Variants in TNRC6B observed in about 807,000 individuals in gnomAD.
TNRC6B encodes trinucleotide repeat containing adaptor 6B.
A neutral mutation model predicts 203.6 loss-of-function variants in TNRC6B; 52 were observed. The ratio of observed to expected loss-of-function variants is 0.26; its 90% CI spans 0.20 to 0.32. TNRC6B has a LOEUF of 0.32. Ranked by LOEUF, TNRC6B falls within the 10% of genes least tolerant of loss-of-function variation. The pLI, the probability that TNRC6B is intolerant of heterozygous loss-of-function variation, is 1.00. For missense variants in TNRC6B, 1,923 were observed against 2,286.2 expected, an observed-to-expected ratio of 0.84 and a Z score of 3.24; for synonymous variants, 838 against 845.7, an observed-to-expected ratio of 0.99 and a Z score of 0.16.
intron 1 of TNRC6B, among the ~76,000 whole-genome samples, chr22:40,206,213 G>T (rs1569020388): frequency 6.6e-6 from 1 of 152,042 alleles, no homozygotes; most frequent in African/African-American, 2.4e-5. Flanking sequence ...TCTGATTTCT[G>T]TATGAGATGC....
intron 1 of TNRC6B, among the ~76,000 whole-genome samples, chr22:40,074,468 A>C (rs756541567): frequency 1.3e-5 from 2 of 151,792 alleles, no homozygotes; most frequent in Non-Finnish European, 2.9e-5. Flanking sequence ...AACATATGAG[A>C]CTTTATCTCT....
At chr22:40,217,695 C>A (rs2069653212) in intron 1 of TNRC6B, among the ~76,000 whole-genome samples, 1 of 152,094 alleles carries the variant, frequency 6.6e-6, no homozygotes, top group Non-Finnish European at 1.5e-5. Flanking sequence ...ATTACTGAGG[C>A]CTGGTGCGGT....
intron 1 of TNRC6B, among the ~76,000 whole-genome samples, chr22:40,240,678 GTTT>G (rs2070016192): frequency 6.6e-6 from 1 of 152,130 alleles, no homozygotes; most frequent in Admixed American, 6.5e-5. Flanking sequence ...AAAGTGATGA[GTTT>G]TACATCTGGC....
chr22:40,129,351 C>G (rs978564932), intron 3 of TNRC6B, among the ~76,000 whole-genome samples: 1 of 152,118 alleles, frequency 6.6e-6, no homozygotes, highest in African/African-American at 2.4e-5. Flanking sequence ...TGTCTGCTGT[C>G]TGGACAGTGG....
rs2071453499 is a variant in TNRC6B, at chr22:40,330,475, T to TA, written c.*7235dup. Reference sequence around the variant, plus strand: ...TTACAGAGAGGAGGACAGTACATCCTATGTGTGTTCGCCAAAAATGGGAAA... The same window carrying TA: ...TTACAGAGAGGAGGACAGTACATCCTAATGTGTGTTCGCCAAAAATGGGAAA... On this transcript the variant is annotated 3_prime_UTR_variant, in exon 23 of 23. Coordinates refer to ENST00000454349, the MANE Select transcript of TNRC6B (RefSeq NM_001162501.2). 1 of 152,262 alleles carries TA rather than the reference T, an allele frequency of 6.6e-6. No individual in the cohort carries two copies. Among genetic ancestry groups the TA allele is most frequent in the South Asian group, 2.1e-4 (1 of 4,834 alleles). The allele number at this position is 152,262 out of a possible 1,614,324, so 9.4% of individuals were successfully genotyped here. A position where few individuals can be genotyped will look rare whatever the true frequency, so the allele number is the denominator to read the frequency against.
chr22:40,310,278 T>C (rs2146562344), intron 16 of TNRC6B, among the ~76,000 whole-genome samples: 1 of 152,300 alleles, frequency 6.6e-6, no homozygotes, highest in African/African-American at 2.4e-5. Context: ...TTCCATCTCA[T>C]TGCGTTGGAA....
At chr22:40,285,310 A>G (rs888436025) in intron 11 of TNRC6B, among the ~76,000 whole-genome samples, 4 of 152,242 alleles carry the variant, frequency 2.6e-5, no homozygotes, top group African/African-American at 9.6e-5. Flanking sequence ...TTGAGAATAA[A>G]TTTGGTAAAC....
chr22:40,255,878 A>C (rs1476691430), intron 3 of TNRC6B, among the ~76,000 whole-genome samples: 2 of 151,904 alleles, frequency 1.3e-5, no homozygotes, highest in Non-Finnish European at 2.9e-5. Flanking sequence ...TTTGAGACAG[A>C]GTCTTGCTCT....
At chr22:40,239,495 G>A (rs1262728815) in intron 1 of TNRC6B, among the ~76,000 whole-genome samples, 1 of 152,222 alleles carries the variant, frequency 6.6e-6, no homozygotes, top group Non-Finnish European at 1.5e-5. Context: ...AGTTACTGGG[G>A]ATGGTGCTGT....
intron 3 of TNRC6B, among the ~76,000 whole-genome samples, chr22:40,131,627 T>C (rs1261257390): frequency 6.6e-6 from 1 of 152,206 alleles, no homozygotes; most frequent in East Asian, 1.9e-4. Context: ...AATTGACTCC[T>C]TAAACTATTA....
chr22:40,303,046 C>CTTTTTTTTTTTT (rs756951957), intron 15 of TNRC6B, among the ~76,000 whole-genome samples: 1 of 90,064 alleles, frequency 1.1e-5, no homozygotes, highest in East Asian at 3.0e-4. Flanking sequence ...TCTTCTTCTT[C>CTTTTTTTTTTTT]TTTTTTTTTT....
chr22:40,247,999 C>A (rs2070132220), intron 2 of TNRC6B, among the ~76,000 whole-genome samples: 1 of 151,812 alleles, frequency 6.6e-6, no homozygotes, highest in Non-Finnish European at 1.5e-5. Context: ...CACTTGAGCC[C>A]AGGAGGGGGA....
chr22:40,047,843 C>G (rs773761577), intron 1 of TNRC6B, among the ~76,000 whole-genome samples: 14 of 152,260 alleles, frequency 9.2e-5, no homozygotes, highest in Non-Finnish European at 1.8e-4. Flanking sequence ...ATTTTTCTAT[C>G]CAGCACAGTG....
intron 3 of TNRC6B, among the ~76,000 whole-genome samples, chr22:40,259,043 C>A (rs893634652): frequency 6.6e-6 from 1 of 152,146 alleles, no homozygotes; most frequent in Non-Finnish European, 1.5e-5. Flanking sequence ...ATGAATTTCT[C>A]CAGTCTCTGC....
intron 4 of TNRC6B, among the ~76,000 whole-genome samples, chr22:40,166,772 G>A (rs1472998007): frequency 2.0e-5 from 3 of 151,958 alleles, no homozygotes; most frequent in Admixed American, 6.6e-5. Context: ...GCACACATCT[G>A]TAATCCCAGC....
chr22:40,155,531 C>T (rs1337825729), intron 3 of TNRC6B, among the ~76,000 whole-genome samples: 1 of 152,042 alleles, frequency 6.6e-6, no homozygotes, highest in African/African-American at 2.4e-5. Flanking sequence ...TCATGATCTG[C>T]CCGCTTTGGC....
Position 40,163,456 on chromosome 22 carries a change from C to CAA in TNRC6B, c.113+7297_113+7298dup, listed in dbSNP as rs1180212519. Among the ~76,000 whole-genome samples the CAA allele has an allele frequency of 7.9e-3, 55 of 6,998 alleles. 14 individuals carry two copies. The highest frequency in any genetic ancestry group is 0.01 in the Non-Finnish European group (50 of 4,840). The allele number at this position is 6,998 out of a possible 152,430, so 4.6% of individuals were successfully genotyped here. A position where few individuals can be genotyped will look rare whatever the true frequency, so the allele number is the denominator to read the frequency against. On this transcript the variant is annotated intron_variant, in intron 4 of 23. Coordinates refer to the TNRC6B transcript ENST00000301923. ...TAGATGACAGAATGAGACCCTGTCTCAAAAAAAAAAAAAAAAAAAAAAAAG... is the reference window on the plus strand; with the variant it reads ...TAGATGACAGAATGAGACCCTGTCTCAAAAAAAAAAAAAAAAAAAAAAAAAAG...
At chr22:40,236,907 A>G (rs2069955361) in intron 1 of TNRC6B, among the ~76,000 whole-genome samples, 1 of 152,160 alleles carries the variant, frequency 6.6e-6, no homozygotes, top group Non-Finnish European at 1.5e-5. Flanking sequence ...GCTCATACCT[A>G]TAATCCCAAC....
chr22:40,235,529 C>T (rs1044097326), intron 1 of TNRC6B, among the ~76,000 whole-genome samples: 1 of 152,138 alleles, frequency 6.6e-6, no homozygotes, highest in Admixed American at 6.6e-5. Flanking sequence ...AATCACATCC[C>T]CATCTCTAAT....
Sources: allele counts gnomAD v4.1 joint callset (sites outside exome capture counted in the v4.1 genomes callset), GRCh38; gene constraint gnomAD v4.1.1; transcripts MANE v1.5; gene names NCBI Gene and HGNC (gene_info 2026-07-23, HGNC 2026-07-21).